The following KLRG1 variants were observed in gnomAD, a reference collection of about 807,000 sequenced individuals.
KLRG1 encodes killer cell lectin like receptor G1, also known as killer cell lectin-like receptor subfamily G member 1.
KLRG1 carries 16 observed loss-of-function variants against 21.8 expected under a neutral mutation model. The ratio of observed to expected loss-of-function variants is 0.73; its 90% CI spans 0.50 to 1.11. The LOEUF (loss-of-function observed/expected upper bound fraction) is 1.11. Among genes scored for constraint, KLRG1 ranks in the 50% most tolerant of loss-of-function variants. The pLI, the probability that KLRG1 is intolerant of heterozygous loss-of-function variation, is 0.00. For missense variants in KLRG1, 173 were observed against 218.3 expected, an observed-to-expected ratio of 0.79 and a Z score of 1.31; for synonymous variants, 69 against 75.9, an observed-to-expected ratio of 0.91 and a Z score of 0.47.
At chr12:8,995,945 G>A (rs769094351) in intron 3 of KLRG1, among the ~76,000 whole-genome samples, 1 of 152,256 alleles carries the variant, frequency 6.6e-6, no homozygotes, top group African/African-American at 2.4e-5. Flanking sequence ...GCCTCCCAAA[G>A]TGCTGGGATT....
the KLRG1 span, chr12:9,160,607 TAC>T: frequency 1.1e-5 from 10 of 922,184 alleles, no homozygotes; most frequent in Non-Finnish European, 1.6e-5. Flanking sequence ...AAAAGTTATA[TAC>T]ACAGAGTGTG....
At chr12:9,213,717 A>C in the KLRG1 span, among the ~76,000 whole-genome samples, 1 of 152,052 alleles carries the variant, frequency 6.6e-6, no homozygotes, top group African/African-American at 2.4e-5. Context: ...AGTTCTTTAC[A>C]TATTTTGGAT....
the KLRG1 span, chr12:9,093,401 CAA>C: frequency 3.6e-6 from 4 of 1,115,538 alleles, no homozygotes; most frequent in Non-Finnish European, 1.4e-6. Flanking sequence ...GAAAAACTAG[CAA>C]AGAGTTGAAA....
chr12:9,213,761 A>C, the KLRG1 span, among the ~76,000 whole-genome samples: 1 of 151,984 alleles, frequency 6.6e-6, no homozygotes, highest in African/African-American at 2.4e-5. Context: ...ATTTGCAAAT[A>C]TTTACTCCTG....
the KLRG1 span, among the ~76,000 whole-genome samples, chr12:9,106,834 C>T: frequency 6.6e-6 from 1 of 151,922 alleles, no homozygotes; most frequent in Non-Finnish European, 1.5e-5. Context: ...AGATATATTG[C>T]GATAGAAATG....
At chr12:9,192,075 G>C in the KLRG1 span, 1 of 821,572 alleles carries the variant, frequency 1.2e-6, no homozygotes, top group Non-Finnish European at 2.0e-6. Flanking sequence ...GTATTTTCCT[G>C]CGTGTCCTCC....
chr12:9,209,515 C>G, the KLRG1 span, among the ~76,000 whole-genome samples: 29 of 152,156 alleles, frequency 1.9e-4, no homozygotes, highest in African/African-American at 6.3e-4. Flanking sequence ...AAATTAAACA[C>G]TTGCCAAGTT....
At chr12:8,955,965 C>G (rs1298622425) in intron 1 of KLRG1, among the ~76,000 whole-genome samples, 2 of 152,140 alleles carry the variant, frequency 1.3e-5, no homozygotes, top group Admixed American at 1.3e-4. Flanking sequence ...ATGGACCAAT[C>G]AGCACACACT....
chr12:9,118,718 T>C, the KLRG1 span, among the ~76,000 whole-genome samples: 2 of 152,354 alleles, frequency 1.3e-5, no homozygotes, highest in East Asian at 1.9e-4. Flanking sequence ...ATTGTGAAAA[T>C]GTGATTACAG....
chr12:9,180,123 CTTATTTAT>C, the KLRG1 span, among the ~76,000 whole-genome samples: 1 of 152,004 alleles, frequency 6.6e-6, no homozygotes, highest in African/African-American at 2.4e-5. Flanking sequence ...TCAATAGAGG[CTTATTTAT>C]TTATTTATTT....
the KLRG1 span, chr12:9,077,891 T>C: frequency 2.5e-6 from 4 of 1,613,808 alleles, no homozygotes; most frequent in Non-Finnish European, 3.4e-6. Context: ...GATGTTTATG[T>C]TGTCAAAATG....
chr12:9,057,397 A>G, the KLRG1 span, among the ~76,000 whole-genome samples: 1 of 152,186 alleles, frequency 6.6e-6, no homozygotes, highest in Non-Finnish European at 1.5e-5. Flanking sequence ...ATGGGAAATC[A>G]CTTAATGGGT....
the KLRG1 span, chr12:9,104,355 T>TCA: frequency 1.1e-5 from 17 of 1,604,770 alleles, no homozygotes. Flanking sequence ...CTGATGAATA[T>TCA]GACTTTATTT....
At chr12:9,192,394 C>A in the KLRG1 span, 3 of 1,264,276 alleles carry the variant, frequency 2.4e-6, no homozygotes, top group Middle Eastern at 1.9e-4. Flanking sequence ...GAATGAAGGA[C>A]GCACAACAAG....
the KLRG1 span, among the ~76,000 whole-genome samples, chr12:9,085,831 G>C: frequency 1.3e-5 from 2 of 151,916 alleles, no homozygotes; most frequent in Non-Finnish European, 2.9e-5. Flanking sequence ...TGATACCACA[G>C]AAATACAAAG....
At chr12:9,110,982 A>G in the KLRG1 span, among the ~76,000 whole-genome samples, 1 of 152,230 alleles carries the variant, frequency 6.6e-6, no homozygotes, top group Non-Finnish European at 1.5e-5. Flanking sequence ...AGGTTGAGAA[A>G]TAAACACTTA....
intron 1 of KLRG1, chr12:8,950,381 T>C (rs753052667): frequency 6.6e-6 from 1 of 152,238 alleles, no homozygotes; most frequent in African/African-American, 2.4e-5. Context: ...AAACGAGCAA[T>C]ACGATGGTAA....
chr12:8,953,366 TTAAAG>T (rs1351150268), intron 1 of KLRG1, among the ~76,000 whole-genome samples: 1 of 152,158 alleles, frequency 6.6e-6, no homozygotes, highest in Non-Finnish European at 1.5e-5. Flanking sequence ...GCAAAAACAG[TTAAAG>T]TGAAGACACC....
the KLRG1 span, chr12:9,204,078 A>G: frequency 2.1e-6 from 2 of 956,264 alleles, no homozygotes; most frequent in South Asian, 1.8e-5. Context: ...TCAATGGACT[A>G]AGTCAATGGA....
Sources: allele counts gnomAD v4.1 joint callset (sites outside exome capture counted in the v4.1 genomes callset), GRCh38; gene constraint gnomAD v4.1.1; transcripts MANE v1.5; gene names NCBI Gene and HGNC (gene_info 2026-07-23, HGNC 2026-07-21).